Variants in SLAMF7 observed in about 807,000 individuals in gnomAD.
SLAMF7 encodes the protein SLAM family member 7, also known as 19A24 protein.
SLAMF7 carries 26 observed loss-of-function variants against 34.1 expected under a neutral mutation model. The ratio of observed to expected loss-of-function variants is 0.76; its 90% CI spans 0.56 to 1.06. SLAMF7 has a LOEUF of 1.06. Ranked by LOEUF, SLAMF7 falls within the 50% of genes least tolerant of loss-of-function variation. The pLI, the probability that SLAMF7 is intolerant of heterozygous loss-of-function variation, is 0.00. For missense variants in SLAMF7, 399 were observed against 402.5 expected (o/e 0.99, Z 0.07); for synonymous variants, 171 against 156.4 (o/e 1.09, Z -0.70).
chr1:160,750,059 C>T lies in SLAMF7; in HGVS notation c.615C>T (p.Phe205=), dbSNP rs975441845. 6.2e-7 allele frequency: 1 copy of T among 1,614,010 alleles called. No homozygotes were observed. The highest frequency in any genetic ancestry group is 1.3e-5 in the African/African-American group (1 of 74,934). The stretch of plus-strand genomic sequence containing the variant: ...CCAGGAACCCTGTCAGCAGAAACTT[C>T]TCAAGCCCCATCCTTGCCAGGAAGC... ...CVARNPVSRN[F]SSPILARKLC... Residue 205 remains phenylalanine, a synonymous_variant, in exon 3 of 7, where the codon TTC becomes TTT. Coordinates refer to ENST00000368043, the MANE Select transcript of SLAMF7 (RefSeq NM_021181.5).
chr1:160,750,116 C>T (rs1299927377), intron 3 of SLAMF7, 23 bp downstream of exon 3: 2 of 1,609,338 alleles, frequency 1.2e-6, no homozygotes, highest in East Asian at 4.5e-5. Context: ...CCCCTCTCCA[C>T]AGGAGACTCT....
rs774208066 is a variant in SLAMF7 at position 160,748,506 on chromosome 1, A to G, written c.368A>G (p.His123Arg). 11 of 1,608,982 alleles carry G rather than the reference A, an allele frequency of 6.8e-6. No homozygotes were observed. The highest frequency in any genetic ancestry group is 1.3e-5 in the African/African-American group (1 of 74,816). ...QQPSTQEYVL[H>R]VYEHLSKPKV... Reference sequence around the variant, plus strand: ...CCCTCCACCCAGGAGTACGTGCTGCATGTCTACGGTGAGCAAAATCAGTTC... The same window carrying G: ...CCCTCCACCCAGGAGTACGTGCTGCGTGTCTACGGTGAGCAAAATCAGTTC... Residue 123 changes from histidine to arginine, a missense_variant, in exon 2 of 7, where the codon CAT becomes CGT. His to Arg is a conservative substitution (Grantham distance 29). Coordinates refer to ENST00000368043, the MANE Select transcript of SLAMF7 (RefSeq NM_021181.5).
At position 160,753,181 on chromosome 1, in the gene SLAMF7, G is replaced by A. The variant is rs1356873638; in HGVS notation, c.*4G>A. ...TGCCTATGAGAATGTTATCTAGACAGCAGTGCACTCCCCTAAGTCTCTGCT... is the reference window on the plus strand; with the variant it reads ...TGCCTATGAGAATGTTATCTAGACAACAGTGCACTCCCCTAAGTCTCTGCT... On this transcript the variant is annotated 3_prime_UTR_variant, in exon 7 of 7. Coordinates refer to ENST00000368043, the MANE Select transcript of SLAMF7 (RefSeq NM_021181.5). 1 of 1,610,290 alleles carries A rather than the reference G, an allele frequency of 6.2e-7. No individual in the cohort carries two copies. Among genetic ancestry groups the A allele is most frequent in the Non-Finnish European group, 8.5e-7 (1 of 1,178,310 alleles).
chr1:160,746,323 G>T (rs941829827), intron 1 of SLAMF7, among the ~76,000 whole-genome samples: 1 of 152,168 alleles, frequency 6.6e-6, no homozygotes, highest in African/African-American at 2.4e-5. Context: ...AAGGTCAAAA[G>T]TACACAGGAA....
At position 160,750,004 on chromosome 1, in the gene SLAMF7, G is replaced by A. The variant is rs769137492; in HGVS notation, c.560G>A (p.Gly187Glu). ...GSILPISWRW[G>E]ESDMTFICVA... Reference sequence around the variant, plus strand: ...ATCCTCCCCATCTCCTGGAGATGGGGAGAAAGTGATATGACCTTCATCTGC... The same window carrying A: ...ATCCTCCCCATCTCCTGGAGATGGGAAGAAAGTGATATGACCTTCATCTGC... Residue 187 changes from glycine (G) to glutamate (E), a missense_variant, in exon 3 of 7, where the codon GGA (glycine) becomes GAA (glutamate). Coordinates refer to ENST00000368043, the MANE Select transcript of SLAMF7 (RefSeq NM_021181.5). The A allele has an allele frequency of 3.1e-6, 5 of 1,614,020 alleles. No individual in the cohort carries two copies. In the African/African-American group the frequency reaches 5.3e-5, roughly 17 times the overall value.
Position 160,754,217 on chromosome 1 carries a change from C to T in SLAMF7, c.*1040C>T, listed in dbSNP as rs1242033760. ...CTGTAATCCCAGCACTTTGGGAGGC[C>T]AAGGTGGGTGGGTCATCTGAGGTCA... On this transcript the variant is annotated 3_prime_UTR_variant, in exon 7 of 7. Coordinates refer to ENST00000368043, the MANE Select transcript of SLAMF7 (RefSeq NM_021181.5). The T allele has an allele frequency of 6.6e-6, 1 of 152,228 alleles. No homozygotes were observed. Among genetic ancestry groups the T allele is most frequent in the African/African-American group, 2.4e-5 (1 of 41,392 alleles). The allele number at this position is 152,228 out of a possible 1,614,324, so 9.4% of individuals were successfully genotyped here. A position where few individuals can be genotyped will look rare whatever the true frequency, so the allele number is the denominator to read the frequency against.
chr1:160,751,312 G>C (rs1664555745), intron 4 of SLAMF7, 33 bp from the exon 5 acceptor site: 1 of 1,497,764 alleles, frequency 6.7e-7, no homozygotes, highest in African/African-American at 1.4e-5. Flanking sequence ...TGGTTGGAGA[G>C]GTGGCTTTGA....
At position 160,750,013 on chromosome 1, in the gene SLAMF7, A is replaced by G; in HGVS notation, c.569A>G (p.Asp190Gly). The G allele has an allele frequency of 6.2e-6, 10 of 1,614,112 alleles. No homozygotes were observed. The highest frequency in any genetic ancestry group is 7.6e-6 in the Non-Finnish European group (9 of 1,179,966). ...ATCTCCTGGAGATGGGGAGAAAGTG[A>G]TATGACCTTCATCTGCGTTGCCAGG... The part of the protein sequence containing the change: ...LPISWRWGES[D>G]MTFICVARNP... Residue 190 changes from aspartate (D) to glycine (G), a missense_variant, in exon 3 of 7, where the codon GAT becomes GGT. Transcript: ENST00000368043.
At chr1:160,752,858 A>G (rs971762585) in intron 6 of SLAMF7, among the ~76,000 whole-genome samples, 1 of 152,250 alleles carries the variant, frequency 6.6e-6, no homozygotes, top group African/African-American at 2.4e-5. Context: ...AGGTTGGTTT[A>G]GTGAATTATT....
At chr1:160,747,600 G>A (rs539475180) in intron 1 of SLAMF7, among the ~76,000 whole-genome samples, 1 of 152,306 alleles carries the variant, frequency 6.6e-6, no homozygotes, top group Non-Finnish European at 1.5e-5. Context: ...CAATCACTCT[G>A]AGGCAAGACA....
chr1:160,749,527 G>T (rs150253406), intron 2 of SLAMF7, among the ~76,000 whole-genome samples: 1 of 152,212 alleles, frequency 6.6e-6, no homozygotes, highest in Non-Finnish European at 1.5e-5. Context: ...TCTAACATGC[G>T]TTATCACAGT....
At chr1:160,752,085 T>G in intron 5 of SLAMF7, 101 bp from the exon 6 acceptor site, 1 of 951,904 alleles carries the variant, frequency 1.1e-6, no homozygotes, top group Non-Finnish European at 1.6e-6. Context: ...TCCTCCCATC[T>G]CTGCTTTCCC....
At chr1:160,751,602 A>G in intron 5 of SLAMF7, 154 bp downstream of exon 5, 1 of 609,040 alleles carries the variant, frequency 1.6e-6, no homozygotes, top group East Asian at 2.8e-5. Flanking sequence ...CCAAGTCTTC[A>G]TGGATTCTCT....
chr1:160,743,278 G>A (rs1418006232), intron 1 of SLAMF7, among the ~76,000 whole-genome samples: 2 of 152,178 alleles, frequency 1.3e-5, no homozygotes, highest in Admixed American at 6.5e-5. Context: ...TTAGATACAG[G>A]GTTTGAATAA....
At chr1:160,740,764 C>T (rs905010896) in intron 1 of SLAMF7, among the ~76,000 whole-genome samples, 2 of 152,168 alleles carry the variant, frequency 1.3e-5, no homozygotes, top group African/African-American at 4.8e-5. Context: ...GTTACTACAT[C>T]GCAGGTGTTT....
At chr1:160,745,942 A>C (rs1664093179) in intron 1 of SLAMF7, among the ~76,000 whole-genome samples, 1 of 152,260 alleles carries the variant, frequency 6.6e-6, no homozygotes, top group South Asian at 2.1e-4. Context: ...GGACCAAAGA[A>C]ATAAATCTCT....
Position 160,753,210 on chromosome 1 carries a change from A to G in SLAMF7, c.*33A>G, listed in dbSNP as rs192206314. On this transcript the variant is annotated 3_prime_UTR_variant, in exon 7 of 7. Transcript: ENST00000368043. ...TGCACTCCCCTAAGTCTCTGCTCAA[A>G]AAAAAAACAATTCTCGGCCCAAAGA... 1 of 1,551,602 alleles carries G rather than the reference A, an allele frequency of 6.4e-7. No homozygotes were observed.
intron 4 of SLAMF7, 101 bp from the exon 5 acceptor site, chr1:160,751,244 G>A: frequency 2.5e-6 from 2 of 809,000 alleles, no homozygotes; most frequent in South Asian, 3.0e-5. Flanking sequence ...AAACTCGGCT[G>A]GTTGGTCACC....
In SLAMF7 at chr1:160,750,418, A is replaced by G; in HGVS notation, c.764A>G (p.Gln255Arg). ...LFLWFLKRER[Q>R]EEYIEEKKRV... ...CTTTGGTTTCTGAAGAGAGAGAGAC[A>G]AGAAGGTAGAGCGTGTACTATTTTT... Residue 255 changes from glutamine (Q) to arginine (R), a missense_variant, in exon 4 of 7, where the codon CAA becomes CGA. Physicochemically the swap from Gln to Arg is conservative, Grantham distance 43. Coordinates refer to ENST00000368043, the MANE Select transcript of SLAMF7 (RefSeq NM_021181.5). The G allele has an allele frequency of 6.2e-7, 1 of 1,613,548 alleles. No homozygotes were observed.
Sources: allele counts gnomAD v4.1 joint callset (sites outside exome capture counted in the v4.1 genomes callset), GRCh38; gene constraint gnomAD v4.1.1; transcripts MANE v1.5; gene names NCBI Gene and HGNC (gene_info 2026-07-23, HGNC 2026-07-21).